COBLL1: variants seen among roughly 807,000 people sequenced by gnomAD.
COBLL1 encodes the protein cordon-bleu WH2 repeat protein like 1.
COBLL1 carries 50 observed loss-of-function variants against 94.8 expected under a neutral mutation model. That is an observed-to-expected ratio of 0.53 (90% confidence interval 0.42 to 0.67). The LOEUF (loss-of-function observed/expected upper bound fraction) is 0.67. Among genes scored for constraint, COBLL1 ranks in the 30% least tolerant of loss-of-function variants. The pLI is 0.00. For missense variants in COBLL1, 1,362 were observed against 1,348.7 expected (o/e 1.01, Z -0.15); for synonymous variants, 448 against 473.8 (o/e 0.95, Z 0.71).
At chr2:164,732,405 AT>A (rs1686067306) in intron 3 of COBLL1, among the ~76,000 whole-genome samples, 1 of 152,146 alleles carries the variant, frequency 6.6e-6, no homozygotes, top group Admixed American at 6.6e-5. Flanking sequence ...GTGGAAGTTG[AT>A]TTTTTGGTAA....
At chr2:164,833,546 G>A (rs1225647900) in intron 2 of COBLL1, among the ~76,000 whole-genome samples, 1 of 151,652 alleles carries the variant, frequency 6.6e-6, no homozygotes, top group African/African-American at 2.4e-5. Context: ...CGCCTCCCGG[G>A]TTCACGCCAT....
chr2:164,802,281 T>C (rs1683847742), intron 2 of COBLL1, among the ~76,000 whole-genome samples: 1 of 152,202 alleles, frequency 6.6e-6, no homozygotes. Flanking sequence ...ATCTGGCACA[T>C]GGTAAGCATC....
At position 164,722,177 on chromosome 2, in the gene COBLL1, G is replaced by C; in HGVS notation, c.894C>G (p.Pro298=). 6.2e-7 allele frequency: 1 copy of C among 1,614,094 alleles called. No homozygotes were observed. The highest frequency in any genetic ancestry group is 2.2e-5 in the East Asian group (1 of 44,860). ...GGACACTCTGAGATGCTGGCATCGG[G>C]GGCAGTGGAGCCCGCCTCTTCTTGG... ...DAPKKRRAPL[P]PMPASQSVPQ... Residue 298 remains proline, a synonymous_variant, in exon 7 of 14, where the codon CCC becomes CCG. Transcript: ENST00000652658.
intron 2 of COBLL1, chr2:164,779,670 TTC>T (rs891724208): frequency 8.5e-6 from 4 of 470,992 alleles, no homozygotes; most frequent in Non-Finnish European, 1.8e-5. Context: ...GGCAGGGATA[TTC>T]TCTCTGAGTC....
At chr2:164,768,973 T>C (rs961515369) in intron 2 of COBLL1, among the ~76,000 whole-genome samples, 2 of 152,170 alleles carry the variant, frequency 1.3e-5, no homozygotes, top group African/African-American at 4.8e-5. Flanking sequence ...TAATTCAGAT[T>C]AGCAAGTTCA....
chr2:164,702,519 A>C (rs1684344798), intron 9 of COBLL1, among the ~76,000 whole-genome samples: 1 of 144,262 alleles, frequency 6.9e-6, no homozygotes, highest in African/African-American at 2.6e-5. Flanking sequence ...AGCCGAGATC[A>C]CGCCACTGCA....
rs140081795 is a variant in COBLL1 at position 164,695,249 on chromosome 2, G to A, written c.2143C>T (p.Pro715Ser). ...PLYRQDYNPK[P>S]KPSNEITREY... The stretch of plus-strand genomic sequence containing the variant: ...CGTGTAATTTCATTTGAAGGTTTTG[G>A]CTTGGGATTGTAGTCCTGTCTATAA... The change falls in exon 12 of 14, where the codon CCA becomes TCA. Residue 715 changes from proline to serine, a missense_variant. Coordinates refer to ENST00000652658, the MANE Select transcript of COBLL1 (RefSeq NM_001365672.2). 9.3e-6 allele frequency: 15 copies of A among 1,613,746 alleles called. No individual in the cohort carries two copies. In the African/African-American group the frequency reaches 1.5e-4, roughly 16 times the overall value.
At chr2:164,824,570 G>A (rs1429540838) in intron 2 of COBLL1, among the ~76,000 whole-genome samples, 1 of 152,112 alleles carries the variant, frequency 6.6e-6, no homozygotes, top group African/African-American at 2.4e-5. Flanking sequence ...GGGAAAGTCT[G>A]GAGAGAAGAA....
intron 2 of COBLL1, among the ~76,000 whole-genome samples, chr2:164,791,210 G>C (rs951879630): frequency 2.0e-5 from 3 of 152,150 alleles, no homozygotes; most frequent in East Asian, 1.9e-4. Context: ...TTGAGAGCTA[G>C]AGTTTAGCTC....
chr2:164,802,025 T>C (rs1683835314), intron 2 of COBLL1, among the ~76,000 whole-genome samples: 1 of 152,200 alleles, frequency 6.6e-6, no homozygotes, highest in African/African-American at 2.4e-5. Flanking sequence ...AATATGAAAT[T>C]TCATTTTAGC....
chr2:164,758,018 A>G (rs1326551385), intron 2 of COBLL1, among the ~76,000 whole-genome samples: 1 of 152,084 alleles, frequency 6.6e-6, no homozygotes, highest in African/African-American at 2.4e-5. Context: ...CCTTCAGCAG[A>G]AATAGCTATA....
intron 2 of COBLL1, among the ~76,000 whole-genome samples, chr2:164,753,639 C>T (rs182055456): frequency 6.6e-6 from 1 of 151,798 alleles, no homozygotes; most frequent in Non-Finnish European, 1.5e-5. Context: ...TGAGGGACTA[C>T]AGTTTTAGTT....
intron 2 of COBLL1, among the ~76,000 whole-genome samples, chr2:164,769,791 C>CG (rs1688118118): frequency 6.6e-6 from 1 of 151,894 alleles, no homozygotes; most frequent in African/African-American, 2.4e-5. Context: ...CCACATATAC[C>CG]CCCCCCAGAG....
rs1430255544 is a variant in COBLL1, at chr2:164,722,145, T to C, written c.926A>G (p.Asp309Gly). Residue 309 changes from aspartate (D) to glycine (G), a missense_variant, in exon 7 of 14, where the codon GAC becomes GGC. Asp to Gly is a moderately conservative substitution (Grantham distance 94). Coordinates refer to ENST00000652658, the MANE Select transcript of COBLL1 (RefSeq NM_001365672.2). ...AGGCCTCTCCTGGATGTGTGCAAGG[T>C]CTTGGGGGACACTCTGAGATGCTGG... ...PMPASQSVPQ[D>G]LAHIQERPAS... is the part of the protein sequence containing the mutation. 1 of 1,614,044 alleles carries C rather than the reference T, an allele frequency of 6.2e-7. No homozygotes were observed.
chr2:164,743,694 G>C lies in COBLL1; in HGVS notation c.223C>G (p.His75Asp). 1.2e-6 allele frequency: 2 copies of C among 1,612,460 alleles called. No homozygotes were observed. Among genetic ancestry groups the C allele is most frequent in the Non-Finnish European group, 1.7e-6 (2 of 1,178,736 alleles). ...PGDIIKSTTV[H>D]GSKPMMDLLI... ...TCATTTACTCCAGCGTACCTGCCAT[G>C]AACAGTAGTAGATTTGATAATATCC... Residue 75 changes from histidine to aspartate, a missense_variant, in exon 3 of 14, where the codon CAT becomes GAT. By Grantham distance (81) the His-to-Asp change is moderately conservative. Transcript: ENST00000652658.
chr2:164,784,812 G>A (rs1213122840), intron 2 of COBLL1, among the ~76,000 whole-genome samples: 1 of 152,044 alleles, frequency 6.6e-6, no homozygotes, highest in Admixed American at 6.6e-5. Flanking sequence ...TGGTACTAGA[G>A]CCAATACATG....
chr2:164,801,604 C>A (rs1039151104), intron 2 of COBLL1, among the ~76,000 whole-genome samples: 3 of 152,006 alleles, frequency 2.0e-5, no homozygotes, highest in Admixed American at 6.6e-5. Context: ...AGAGAAAGAG[C>A]AAGAGCCTAT....
rs1284728678 is a variant in COBLL1, at chr2:164,723,805, C to G, written c.662-1283G>C. 2.0e-5 allele frequency: 3 copies of G among 151,840 alleles called. 1 individual carries two copies. The highest frequency in any genetic ancestry group is 6.8e-3 in the Middle Eastern group (2 of 294). The allele number at this position is 151,840 out of a possible 1,614,324, so 9.4% of individuals were successfully genotyped here. On this transcript the variant is annotated intron_variant, in intron 5 of 13. Coordinates refer to ENST00000652658, the MANE Select transcript of COBLL1 (RefSeq NM_001365672.2). The stretch of plus-strand genomic sequence containing the variant: ...TTATTTATTTATTTATTTATTGAGA[C>G]AGTCTTTTTTTGAATCTCACTCTGT...
chr2:164,703,259 C>T, intron 9 of COBLL1: 3 of 1,397,240 alleles, frequency 2.1e-6, no homozygotes, highest in Non-Finnish European at 3.0e-6. Flanking sequence ...GGCACTTAGA[C>T]AACAGAGTTA....
Sources: allele counts gnomAD v4.1 joint callset (sites outside exome capture counted in the v4.1 genomes callset), GRCh38; gene constraint gnomAD v4.1.1; transcripts MANE v1.5; gene names NCBI Gene and HGNC (gene_info 2026-07-23, HGNC 2026-07-21).